Variants in MMP24 observed in about 807,000 individuals in gnomAD.
The protein encoded by MMP24 is matrix metallopeptidase 24, also known as matrix metalloproteinase-24.
A neutral mutation model predicts 62.8 loss-of-function variants in MMP24; 25 were observed. The ratio of observed to expected loss-of-function variants is 0.40; its 90% CI spans 0.29 to 0.56. The LOEUF is 0.56. Ranked by LOEUF, MMP24 falls within the 20% of genes least tolerant of loss-of-function variation. MMP24 has a pLI of 0.50. For missense variants in MMP24, 634 were observed against 853.6 expected (o/e 0.74, Z 3.21); for synonymous variants, 319 against 350.5 (o/e 0.91, Z 1.00).
chr20:35,267,132 G>A (rs2060639642), intron 5 of MMP24, 73 bp from the exon 6 acceptor site: 10 of 1,277,256 alleles, frequency 7.8e-6, no homozygotes, highest in African/African-American at 1.5e-5. Context: ...AGAGCTGCCT[G>A]GGTGATGCTG....
rs753541518 is a variant in MMP24 at position 35,254,513 on chromosome 20, C to T, written c.576C>T (p.Phe192=). The change falls in exon 4 of 9, where the codon TTC becomes TTT. Residue 192 remains phenylalanine, a synonymous_variant. Transcript: ENST00000246186. ...CGCGGAAAGCTATTCGCCAGGCTTT[C>T]GATGTGTGGCAGAAGGTGACCCCAC... ...LDTRKAIRQA[F]DVWQKVTPLT... is the part of the protein sequence containing the mutation. 36 of 1,613,994 alleles carry T rather than the reference C, an allele frequency of 2.2e-5. No homozygotes were observed. Among genetic ancestry groups the T allele is most frequent in the South Asian group, 3.3e-5 (3 of 91,082 alleles).
chr20:35,259,129 C>T (rs1181281980), intron 4 of MMP24, among the ~76,000 whole-genome samples: 1 of 152,036 alleles, frequency 6.6e-6, no homozygotes. Flanking sequence ...TCAAGTGAGC[C>T]GAGATTGCAC....
At chr20:35,253,371 AT>A (rs971850676) in intron 3 of MMP24, among the ~76,000 whole-genome samples, 66 of 133,516 alleles carry the variant, frequency 4.9e-4, no homozygotes, top group Middle Eastern at 4.5e-3. Context: ...TCAGAACGGG[AT>A]TTTTTTTTTC....
chr20:35,237,255 A>G (rs1412039508), intron 1 of MMP24, among the ~76,000 whole-genome samples: 4 of 152,326 alleles, frequency 2.6e-5, no homozygotes, highest in Admixed American at 6.5e-5. Flanking sequence ...AAATCAAGTT[A>G]TTGGCAGGGC....
chr20:35,247,151 C>G (rs987236164), intron 2 of MMP24, among the ~76,000 whole-genome samples, 163 bp downstream of exon 2: 2 of 152,114 alleles, frequency 1.3e-5, no homozygotes, highest in Non-Finnish European at 2.9e-5. Context: ...TGGGGGTGTG[C>G]TGGGATGGGA....
In MMP24 at chr20:35,276,034, AG is replaced by A. The variant is rs1600812833; in HGVS notation, c.*1426del. Reference sequence around the variant, plus strand: ...TCAATGCCCACTGGCTCTCTGCCAAAGCCAAAAAGGTGTCAGGCAGTCTCCA... The same window carrying A: ...TCAATGCCCACTGGCTCTCTGCCAAACCAAAAAGGTGTCAGGCAGTCTCCA... On this transcript the variant is annotated 3_prime_UTR_variant, in exon 9 of 9. Coordinates refer to ENST00000246186, the MANE Select transcript of MMP24 (RefSeq NM_006690.4). The A allele has an allele frequency of 1.5e-5, 6 of 398,402 alleles. No homozygotes were observed. The East Asian group carries it at 2.1e-4, about 14-fold the overall frequency. The allele number at this position is 398,402 out of a possible 1,614,324, so 24.7% of individuals were successfully genotyped here. A position where few individuals can be genotyped will look rare whatever the true frequency, so the allele number is the denominator to read the frequency against.
At chr20:35,257,933 C>A (rs765914831) in intron 4 of MMP24, among the ~76,000 whole-genome samples, 1 of 152,148 alleles carries the variant, frequency 6.6e-6, no homozygotes, top group Non-Finnish European at 1.5e-5. Context: ...GGCAAGGAAC[C>A]AAAATTTATT....
chr20:35,234,741 C>T (rs889534800), intron 1 of MMP24, among the ~76,000 whole-genome samples: 2 of 152,198 alleles, frequency 1.3e-5, no homozygotes, highest in Non-Finnish European at 2.9e-5. Flanking sequence ...AGGTACAGGA[C>T]AGAACATGAG....
At position 35,274,247 on chromosome 20, in the gene MMP24, G is replaced by A. The variant is rs914435331; in HGVS notation, c.1601-25G>A. The A allele has an allele frequency of 6.3e-7, 1 of 1,576,190 alleles. No individual in the cohort carries two copies. The highest frequency in any genetic ancestry group is 8.6e-7 in the Non-Finnish European group (1 of 1,161,838). On this transcript the variant is annotated intron_variant, in intron 8 of 8. Coordinates refer to ENST00000246186, the MANE Select transcript of MMP24 (RefSeq NM_006690.4). This position sits in a 1 kb window ranked among gnomAD's most constrained non-coding sequence, Gnocchi z 5.1. ...CAGGTGCCGGAAGTGTCTGGGAGTG[G>A]TGATGCTGGGCTGTATTTCTGCAGA...
chr20:35,240,630 GA>G (rs2060484624), intron 1 of MMP24, among the ~76,000 whole-genome samples: 2 of 152,054 alleles, frequency 1.3e-5, no homozygotes. Context: ...ATCAAGCAAG[GA>G]AGTCAAATCA....
At chr20:35,261,262 C>T (rs768189002) in intron 4 of MMP24, among the ~76,000 whole-genome samples, 13 of 152,174 alleles carry the variant, frequency 8.5e-5, no homozygotes, top group African/African-American at 1.7e-4. Flanking sequence ...TGGTTGCTGG[C>T]GCTCCACTGG....
chr20:35,243,049 T>C (rs201824301), intron 1 of MMP24, among the ~76,000 whole-genome samples: 1 of 151,994 alleles, frequency 6.6e-6, no homozygotes, highest in East Asian at 1.9e-4. Context: ...AGTAGTGGCA[T>C]GTGCCTGTAA....
intron 2 of MMP24, among the ~76,000 whole-genome samples, chr20:35,248,392 G>T (rs2060527060): frequency 1.4e-5 from 2 of 147,310 alleles, no homozygotes. Context: ...TGCAACCACT[G>T]CCTCCAGGGT....
intron 4 of MMP24, among the ~76,000 whole-genome samples, chr20:35,256,615 A>G (rs887655977): frequency 2.0e-5 from 3 of 146,914 alleles, no homozygotes; most frequent in Non-Finnish European, 4.5e-5. Flanking sequence ...GCTACTCTGG[A>G]GGCTGAGGCA....
In MMP24 at chr20:35,271,677, G is replaced by A. The variant is rs752150455; in HGVS notation, c.1442G>A (p.Arg481His). The change falls in exon 8 of 9, where the codon CGC becomes CAC. Residue 481 changes from arginine to histidine, a missense_variant. This residue lies in a region of MMP24 where 399 missense variants were observed against 530.8 expected (regional missense o/e 0.75). Transcript: ENST00000246186. This position sits in a 1 kb window ranked among gnomAD's most constrained non-coding sequence, Gnocchi z 4.0. ...CGTGAAGGCATTGACACAGCTCTGCGCTGGGAACCTGTGGGCAAGACCTAC... is the reference window on the plus strand; with the variant it reads ...CGTGAAGGCATTGACACAGCTCTGCACTGGGAACCTGTGGGCAAGACCTAC... ...LPREGIDTAL[R>H]WEPVGKTYFF... The A allele has an allele frequency of 4.4e-6, 7 of 1,608,814 alleles. No individual in the cohort carries two copies. Among genetic ancestry groups the A allele is most frequent in the African/African-American group, 1.3e-5 (1 of 75,016 alleles).
chr20:35,236,917 TG>T, intron 1 of MMP24, among the ~76,000 whole-genome samples: 1 of 143,430 alleles, frequency 7.0e-6, no homozygotes, highest in East Asian at 2.0e-4. Context: ...GAGGTTGCAG[TG>T]AGCCAAGATC....
At chr20:35,246,108 C>T (rs756462352) in intron 1 of MMP24, among the ~76,000 whole-genome samples, 4 of 151,952 alleles carry the variant, frequency 2.6e-5, no homozygotes, top group Non-Finnish European at 4.4e-5. Context: ...ACAGCAGACA[C>T]GGTGGATTTC....
In MMP24 at chr20:35,271,802, G is replaced by A. The variant is rs1359238442; in HGVS notation, c.1567G>A (p.Ala523Thr). ...PITVWKGIPQ[A>T]PQGAFISKEG... The stretch of plus-strand genomic sequence containing the variant: ...CACCGTGTGGAAGGGCATCCCACAG[G>A]CTCCCCAAGGAGCCTTCATCAGCAA... The change falls in exon 8 of 9, where the codon GCT becomes ACT. Residue 523 changes from alanine (A) to threonine (T), a missense_variant. Physicochemically the swap from Ala to Thr is moderately conservative, Grantham distance 58. Coordinates refer to ENST00000246186, the MANE Select transcript of MMP24 (RefSeq NM_006690.4). The surrounding 1 kb of genome is among the most constrained non-coding windows in gnomAD (Gnocchi z 4.0). 1 of 1,609,474 alleles carries A rather than the reference G, an allele frequency of 6.2e-7. No homozygotes were observed. The highest frequency in any genetic ancestry group is 8.5e-7 in the Non-Finnish European group (1 of 1,178,590).
intron 1 of MMP24, among the ~76,000 whole-genome samples, chr20:35,234,179 G>C (rs1045412220): frequency 6.6e-6 from 1 of 151,946 alleles, no homozygotes; most frequent in African/African-American, 2.4e-5. Context: ...CTCTTTCCTG[G>C]AGTCTCATTC....
Sources: allele counts gnomAD v4.1 joint callset (sites outside exome capture counted in the v4.1 genomes callset), GRCh38; gene constraint gnomAD v4.1.1; regional missense constraint gnomAD v4.1.1; non-coding constraint Gnocchi (gnomAD v3.1); transcripts MANE v1.5; gene names NCBI Gene and HGNC (gene_info 2026-07-23, HGNC 2026-07-21).